CNTN4: variants seen among roughly 807,000 people sequenced by gnomAD.
The protein encoded by CNTN4 is contactin-4.
Under a neutral mutation model 122.5 loss-of-function variants are expected in CNTN4, and 77 were observed. That is an observed-to-expected ratio of 0.63 (90% CI 0.52 to 0.76). The LOEUF (loss-of-function observed/expected upper bound fraction) is 0.76. Among genes scored for constraint, CNTN4 ranks in the 30% least tolerant of loss-of-function variants. The pLI is 0.00. For synonymous variants in CNTN4, 512 were observed against 447.0 expected (o/e 1.15, Z -1.83); for missense variants, 1,256 against 1,259.1 (o/e 1.00, Z 0.04).
chr3:2,145,825 T>G (rs2035221518), intron 2 of CNTN4, among the ~76,000 whole-genome samples: 1 of 152,002 alleles, frequency 6.6e-6, no homozygotes, highest in Non-Finnish European at 1.5e-5. Context: ...ATTCCCACTT[T>G]TAATATGAGA....
intron 13 of CNTN4, among the ~76,000 whole-genome samples, chr3:2,974,750 T>G (rs142994629): frequency 2.6e-5 from 4 of 152,316 alleles, no homozygotes; most frequent in African/African-American, 4.8e-5. Context: ...ACCGTGACAG[T>G]GGTGTTCTAT....
intron 3 of CNTN4, among the ~76,000 whole-genome samples, chr3:2,342,976 G>A (rs774129349): frequency 3.9e-5 from 6 of 152,224 alleles, no homozygotes; most frequent in African/African-American, 1.4e-4. Context: ...TGGAGGTGAT[G>A]AAAATGTTTT....
intron 3 of CNTN4, among the ~76,000 whole-genome samples, chr3:2,491,667 A>G (rs1468249748): frequency 2.6e-5 from 4 of 152,106 alleles, no homozygotes; most frequent in African/African-American, 9.7e-5. Context: ...TCCAACCTGT[A>G]TTTTCGTGTG....
chr3:2,313,699 GA>G (rs1412871137), intron 2 of CNTN4, among the ~76,000 whole-genome samples: 2 of 151,888 alleles, frequency 1.3e-5, no homozygotes, highest in African/African-American at 4.8e-5. Flanking sequence ...ATTCCTGACT[GA>G]AAAACACTAT....
intron 2 of CNTN4, among the ~76,000 whole-genome samples, chr3:2,169,429 CG>C (rs2036344335): frequency 6.6e-6 from 1 of 150,970 alleles, no homozygotes; most frequent in Non-Finnish European, 1.5e-5. Context: ...TTTTTTGAGA[CG>C]GAGTCTGGCT....
intron 6 of CNTN4, among the ~76,000 whole-genome samples, chr3:2,774,993 C>G (rs1181908662): frequency 6.6e-6 from 1 of 152,224 alleles, no homozygotes; most frequent in Non-Finnish European, 1.5e-5. Flanking sequence ...TCGCAAAAGG[C>G]TAGTTGTGCT....
intron 4 of CNTN4, among the ~76,000 whole-genome samples, chr3:2,661,727 G>A (rs578118479): frequency 1.5e-4 from 21 of 144,706 alleles, no homozygotes; most frequent in South Asian, 2.2e-4. Flanking sequence ...CAGGAGAATC[G>A]CTTCAACCCA....
intron 13 of CNTN4, among the ~76,000 whole-genome samples, chr3:2,963,961 A>G (rs2094886515): frequency 1.3e-5 from 2 of 152,168 alleles, no homozygotes; most frequent in African/African-American, 4.8e-5. Context: ...GTCTTTTCCA[A>G]TAGAGTTTAA....
chr3:2,499,611 A>G (rs73806664), intron 3 of CNTN4, among the ~76,000 whole-genome samples: 2,208 of 152,214 alleles, frequency 0.015, 56 homozygotes, highest in African/African-American at 0.05. Flanking sequence ...TCTCTCTGCC[A>G]GTATCACACT....
At chr3:2,402,894 G>A (rs1247325628) in intron 3 of CNTN4, among the ~76,000 whole-genome samples, 1 of 152,112 alleles carries the variant, frequency 6.6e-6, no homozygotes, top group African/African-American at 2.4e-5. Flanking sequence ...AGTTCCTTGT[G>A]TATCTCATCT....
intron 4 of CNTN4, among the ~76,000 whole-genome samples, chr3:2,644,424 C>T (rs2083027968): frequency 6.6e-6 from 1 of 152,030 alleles, no homozygotes; most frequent in African/African-American, 2.4e-5. Context: ...ACCATGAGCT[C>T]CTTTCAGAAA....
chr3:2,521,033 C>T (rs919265589), intron 3 of CNTN4, among the ~76,000 whole-genome samples: 3 of 152,090 alleles, frequency 2.0e-5, no homozygotes, highest in Non-Finnish European at 4.4e-5. Flanking sequence ...CAGTGTTCTC[C>T]AAGCCACCCT....
intron 4 of CNTN4, among the ~76,000 whole-genome samples, chr3:2,670,237 G>T (rs183519271): frequency 2.0e-5 from 3 of 152,274 alleles, no homozygotes; most frequent in Non-Finnish European, 4.4e-5. Flanking sequence ...AAGTCCCTTT[G>T]TAGGTCTCTA....
At chr3:2,428,088 T>C (rs1397990090) in intron 3 of CNTN4, among the ~76,000 whole-genome samples, 1 of 152,184 alleles carries the variant, frequency 6.6e-6, no homozygotes, top group Admixed American at 6.5e-5. Flanking sequence ...GTTAATATTG[T>C]TATGTGTGAA....
intron 3 of CNTN4, among the ~76,000 whole-genome samples, chr3:2,369,788 AT>A (rs1159444862): frequency 6.6e-6 from 1 of 152,204 alleles, no homozygotes; most frequent in African/African-American, 2.4e-5. Flanking sequence ...GTTAAAAAAA[AT>A]AAAAGAAATA....
chr3:2,938,598 T>C (rs1441504809), intron 13 of CNTN4, among the ~76,000 whole-genome samples: 6 of 152,316 alleles, frequency 3.9e-5, no homozygotes, highest in African/African-American at 1.4e-4. Context: ...TTTCTAAGCT[T>C]TAAAAGGGAG....
At chr3:2,236,001 C>G (rs1272741076) in intron 2 of CNTN4, among the ~76,000 whole-genome samples, 1 of 152,178 alleles carries the variant, frequency 6.6e-6, no homozygotes, top group East Asian at 1.9e-4. Flanking sequence ...AGTGGGCCAT[C>G]TTAATTCAAT....
chr3:2,766,521 A>C (rs1435563260), intron 6 of CNTN4, among the ~76,000 whole-genome samples: 1 of 152,164 alleles, frequency 6.6e-6, no homozygotes, highest in East Asian at 1.9e-4. Flanking sequence ...GTATATTTTC[A>C]CTCATAAGTG....
At chr3:2,894,686 T>A (rs1193612938) in intron 10 of CNTN4, among the ~76,000 whole-genome samples, 1 of 151,992 alleles carries the variant, frequency 6.6e-6, no homozygotes, top group Non-Finnish European at 1.5e-5. Flanking sequence ...AAACACTAGG[T>A]AGAGGCTTTG....
Sources: allele counts gnomAD v4.1 joint callset (sites outside exome capture counted in the v4.1 genomes callset), GRCh38; gene constraint gnomAD v4.1.1; transcripts MANE v1.5; gene names NCBI Gene and HGNC (gene_info 2026-07-23, HGNC 2026-07-21).